FBXL17: variants seen among roughly 807,000 people sequenced by gnomAD.
The protein encoded by FBXL17 is F-box and leucine rich repeat protein 17.
A neutral mutation model predicts 66.2 loss-of-function variants in FBXL17; 22 were observed. The ratio of observed to expected loss-of-function variants is 0.33; its 90% confidence interval spans 0.24 to 0.47. The LOEUF (loss-of-function observed/expected upper bound fraction) is 0.47. FBXL17 is among the 20% of genes least tolerant of loss of function. The pLI is 1.00. For missense variants in FBXL17, 878 were observed against 948.2 expected (o/e 0.93, Z 0.97); for synonymous variants, 474 against 400.5 (o/e 1.18, Z -2.19).
rs562366015 is a variant in FBXL17, at chr5:108,009,178, T to C, written c.1822+11747A>G. Among the ~76,000 whole-genome samples, 20 of 110,914 alleles carry C rather than the reference T, an allele frequency of 1.8e-4. 1 individual carries two copies. In the South Asian group the frequency reaches 2.0e-3, roughly 11 times the overall value. The allele number at this position is 110,914 out of a possible 152,430, so 72.8% of individuals were successfully genotyped here. ...AATGTATATTATATCAGTATGAACA[T>C]AGTTCATTTGAAAAGCATATATATA... is the stretch of plus-strand genomic sequence containing the variant. On this transcript the variant is annotated intron_variant, in intron 7 of 8. Transcript: ENST00000542267.
intron 4 of FBXL17, among the ~76,000 whole-genome samples, chr5:108,273,351 T>G (rs998648247): frequency 7.0e-6 from 1 of 143,458 alleles, no homozygotes; most frequent in Non-Finnish European, 1.5e-5. Flanking sequence ...ATAATAAAAA[T>G]AATAATAATA....
intron 6 of FBXL17, among the ~76,000 whole-genome samples, chr5:108,130,815 G>C (rs2149976105): frequency 6.6e-6 from 1 of 152,124 alleles, no homozygotes; most frequent in East Asian, 1.9e-4. Flanking sequence ...GCTCTTGTAA[G>C]TTCAATTAAT....
intron 7 of FBXL17, among the ~76,000 whole-genome samples, chr5:107,912,026 GCAAGAATTAGGA>G (rs1348810180): frequency 1.3e-5 from 2 of 152,076 alleles, no homozygotes; most frequent in African/African-American, 2.4e-5. Flanking sequence ...CAAGGTGTAG[GCAAGAATTAGGA>G]AAATGGACAC....
intron 6 of FBXL17, among the ~76,000 whole-genome samples, chr5:108,072,593 AG>A (rs1748377419): frequency 2.0e-5 from 3 of 152,202 alleles, no homozygotes; most frequent in Non-Finnish European, 4.4e-5. Context: ...CTGTAGTCCC[AG>A]CTACTTGGGA....
At chr5:108,254,611 T>A (rs1756496577) in intron 4 of FBXL17, among the ~76,000 whole-genome samples, 1 of 152,148 alleles carries the variant, frequency 6.6e-6, no homozygotes, top group Non-Finnish European at 1.5e-5. Flanking sequence ...CATTTAACTC[T>A]GTAATATTAA....
Position 108,185,254 on chromosome 5 carries a change from T to C in FBXL17, c.1745+863A>G, listed in dbSNP as rs567918936. 3.9e-5 allele frequency among the ~76,000 whole-genome samples: 6 copies of C among 152,290 alleles called. 1 individual carries two copies. In the South Asian group the frequency reaches 1.2e-3, roughly 32 times the overall value. On this transcript the variant is annotated intron_variant, in intron 6 of 8. Coordinates refer to ENST00000542267, the MANE Select transcript of FBXL17 (RefSeq NM_001163315.3). ...GATTTGTGTTCCCAGCCAAATCTCA[T>C]GTCAAATTGTAATCCCAATGTTGGA... is the stretch of plus-strand genomic sequence containing the variant.
intron 4 of FBXL17, among the ~76,000 whole-genome samples, chr5:108,249,401 C>T (rs991107032): frequency 1.3e-5 from 2 of 152,088 alleles, no homozygotes; most frequent in East Asian, 1.9e-4. Context: ...AGTGAAGGCT[C>T]GTTTTATTTA....
intron 6 of FBXL17, among the ~76,000 whole-genome samples, chr5:108,120,751 T>C (rs939972498): frequency 3.3e-5 from 5 of 152,140 alleles, no homozygotes; most frequent in Admixed American, 2.6e-4. Flanking sequence ...GAGGATTCTT[T>C]GAGCCCAGGA....
chr5:108,098,746 T>TAAAAAAA (rs10649679), intron 6 of FBXL17, among the ~76,000 whole-genome samples: 5 of 118,530 alleles, frequency 4.2e-5, no homozygotes, highest in African/African-American at 1.6e-4. Flanking sequence ...CTCTGTCTCA[T>TAAAAAAA]AAAAAAAAAA....
chr5:108,168,830 T>C (rs192671723), intron 6 of FBXL17, among the ~76,000 whole-genome samples: 23 of 152,082 alleles, frequency 1.5e-4, no homozygotes, highest in Middle Eastern at 3.4e-3. Flanking sequence ...ATTTAGAGGA[T>C]TGAAATATAG....
chr5:107,901,548 C>A (rs1405776651), intron 7 of FBXL17, among the ~76,000 whole-genome samples: 1 of 152,124 alleles, frequency 6.6e-6, no homozygotes, highest in African/African-American at 2.4e-5. Flanking sequence ...GTAAAGGCAA[C>A]AGGTGAAGGT....
At chr5:108,043,606 CCAGA>C (rs779619378) in intron 6 of FBXL17, among the ~76,000 whole-genome samples, 8 of 152,134 alleles carry the variant, frequency 5.3e-5, no homozygotes, top group Non-Finnish European at 1.2e-4. Flanking sequence ...TCCACAAATG[CCAGA>C]CAGTCTTCAT....
At position 108,116,667 on chromosome 5, in the gene FBXL17, A is replaced by T. The variant is rs186399863; in HGVS notation, c.1745+69450T>A. 3.5e-3 allele frequency among the ~76,000 whole-genome samples: 539 copies of T among 151,834 alleles called. 5 individuals are homozygous for T. The highest frequency in any genetic ancestry group is 0.027 in the Middle Eastern group (8 of 292). ...GTCTCAAAAATAATAATAATAATAAAAAAATAATAATAAAACAAGTTAATA... is the reference window on the plus strand; with the variant it reads ...GTCTCAAAAATAATAATAATAATAATAAAATAATAATAAAACAAGTTAATA... On this transcript the variant is annotated intron_variant, in intron 6 of 8. Transcript: ENST00000542267.
intron 7 of FBXL17, among the ~76,000 whole-genome samples, chr5:107,997,850 T>C (rs1753541849): frequency 6.6e-6 from 1 of 152,220 alleles, no homozygotes; most frequent in Non-Finnish European, 1.5e-5. Flanking sequence ...ATAAAATTCA[T>C]GTTCAGTGAC....
At position 108,380,877 on chromosome 5, in the gene FBXL17, G is replaced by C; in HGVS notation, c.815C>G (p.Thr272Ser). 1 of 1,242,050 alleles carries C rather than the reference G, an allele frequency of 8.1e-7. No homozygotes were observed. Among genetic ancestry groups the C allele is most frequent in the Non-Finnish European group, 1.0e-6 (1 of 987,234 alleles). 76.9% of individuals were successfully genotyped at this position (1,242,050 alleles called of 1,614,324 possible). ...PSSPTSEGAP[T>S]EAGGDAVRAG... ...TCGGACAGCGTCCCCGCCAGCTTCGGTGGGGGCACCTTCGGAGGTGGGAGA... is the reference window on the plus strand; with the variant it reads ...TCGGACAGCGTCCCCGCCAGCTTCGCTGGGGGCACCTTCGGAGGTGGGAGA... Residue 272 changes from threonine (T) to serine (S), a missense_variant, in exon 1 of 9, where the codon ACC becomes AGC. Coordinates refer to ENST00000542267, the MANE Select transcript of FBXL17 (RefSeq NM_001163315.3).
chr5:108,206,354 G>T (rs895092910), intron 5 of FBXL17, among the ~76,000 whole-genome samples: 3 of 152,012 alleles, frequency 2.0e-5, no homozygotes, highest in African/African-American at 7.2e-5. Flanking sequence ...TGACCAATGC[G>T]CTTTTCTTTA....
chr5:108,279,359 C>T (rs143527148), intron 4 of FBXL17, among the ~76,000 whole-genome samples: 20 of 152,190 alleles, frequency 1.3e-4, no homozygotes, highest in Admixed American at 9.8e-4. Flanking sequence ...CCCAGCATCC[C>T]AGACCCCAGC....
chr5:108,082,086 T>A (rs180790736), intron 6 of FBXL17, among the ~76,000 whole-genome samples: 1 of 152,280 alleles, frequency 6.6e-6, no homozygotes, highest in Non-Finnish European at 1.5e-5. Context: ...TCAACTATAA[T>A]CCTACCTCTA....
intron 7 of FBXL17, among the ~76,000 whole-genome samples, chr5:108,005,389 A>T (rs1753886453): frequency 6.6e-6 from 1 of 152,174 alleles, no homozygotes; most frequent in Admixed American, 6.5e-5. Context: ...TTAGGAGTAT[A>T]ATAAATGTTC....
Sources: gnomAD v4.1 joint callset for allele counts (sites outside exome capture counted in the v4.1 genomes callset) on GRCh38, gnomAD v4.1.1 for gene constraint, MANE v1.5 for transcripts, NCBI Gene and HGNC (gene_info 2026-07-23, HGNC 2026-07-21) for gene names.